Variants in NUP188 observed in about 807,000 individuals in gnomAD.
NUP188 encodes the protein nucleoporin NUP188.
Under a neutral mutation model 223.0 loss-of-function variants are expected in NUP188, and 97 were observed. That is an observed-to-expected ratio of 0.43 (90% confidence interval 0.37 to 0.51). NUP188 has a LOEUF of 0.51. NUP188 is among the 20% of genes least tolerant of loss of function. NUP188 has a pLI of 0.00. For synonymous variants in NUP188, 869 were observed against 828.0 expected, an observed-to-expected ratio of 1.05 and a Z score of -0.85; for missense variants, 1,947 against 2,175.6, an observed-to-expected ratio of 0.89 and a Z score of 2.09.
rs1842466078 is a variant in NUP188, at chr9:128,993,522, C to T, written c.2848-3C>T. The T allele has an allele frequency of 1.9e-6, 3 of 1,614,008 alleles. No homozygotes were observed. The highest frequency in any genetic ancestry group is 2.5e-6 in the Non-Finnish European group (3 of 1,180,004). The stretch of plus-strand genomic sequence containing the variant: ...CTGAACTCTTACCTGTCCCTTCTTG[C>T]AGGAATTCAGCCTTGGGATGTGGAG... On this transcript the variant is annotated splice_polypyrimidine_tract_variant and splice_region_variant and intron_variant, in intron 26 of 43. Coordinates refer to ENST00000372577, the MANE Select transcript of NUP188 (RefSeq NM_015354.3).
intron 22 of NUP188, 47 bp from the exon 23 acceptor site, chr9:128,987,542 A>G: frequency 1.3e-6 from 2 of 1,582,912 alleles, no homozygotes; most frequent in Non-Finnish European, 8.6e-7. Flanking sequence ...TCCTTCCAAG[A>G]TACACTGAGT....
chr9:128,977,540 TG>T (rs1842193461), intron 12 of NUP188, among the ~76,000 whole-genome samples: 1 of 152,128 alleles, frequency 6.6e-6, no homozygotes, highest in South Asian at 2.1e-4. Flanking sequence ...CCAGGCACAG[TG>T]GCTCATGTCT....
intron 36 of NUP188, 132 bp downstream of exon 36, chr9:129,002,108 T>C: frequency 1.4e-6 from 1 of 709,888 alleles, no homozygotes; most frequent in Non-Finnish European, 2.4e-6. Context: ...TGAGGAATCT[T>C]CCCTGCCCCC....
rs1842769541 is a variant in NUP188 at position 129,005,411 on chromosome 9, G to C, written c.4618G>C (p.Glu1540Gln). 1 of 1,611,216 alleles carries C rather than the reference G, an allele frequency of 6.2e-7. No homozygotes were observed. Among genetic ancestry groups the C allele is most frequent in the Middle Eastern group, 1.6e-4 (1 of 6,062 alleles). ...SSSKQPAADT[E>Q]ASEQQALHTV... The stretch of plus-strand genomic sequence containing the variant: ...CTCAAAGCAGCCCGCTGCTGACACA[G>C]AGGCATCAGAGCAGCAGGCCTTGCA... Residue 1540 changes from glutamate to glutamine, a missense_variant, in exon 40 of 44, where the codon GAG becomes CAG. Glu to Gln is a conservative substitution (Grantham distance 29, BLOSUM62 2). Coordinates refer to ENST00000372577, the MANE Select transcript of NUP188 (RefSeq NM_015354.3).
At chr9:129,001,017 A>G (rs1842649934) in intron 34 of NUP188, among the ~76,000 whole-genome samples, 1 of 152,088 alleles carries the variant, frequency 6.6e-6, no homozygotes, top group Admixed American at 6.6e-5. Flanking sequence ...AGCCTGGGGG[A>G]CAGAGCGAGG....
At chr9:128,981,454 C>T (rs1021006714) in intron 15 of NUP188, 64 bp downstream of exon 15, 14 of 1,521,850 alleles carry the variant, frequency 9.2e-6, no homozygotes, top group Non-Finnish European at 1.2e-5. Context: ...GCTCTGTCAC[C>T]CAAGCTGGAG....
rs769183790 is a variant in NUP188, at chr9:128,969,438, T to C, written c.836T>C (p.Ile279Thr). ...SALILVEGMD[I>T]ESLHKCALDD... ...CTCATCCTGGTGGAGGGCATGGATATCGAGTCCTTGCATAAGTGTGCTTTG... is the reference window on the plus strand; with the variant it reads ...CTCATCCTGGTGGAGGGCATGGATACCGAGTCCTTGCATAAGTGTGCTTTG... The change falls in exon 10 of 44, where the codon ATC (isoleucine) becomes ACC (threonine). Residue 279 changes from isoleucine to threonine, a missense_variant. Transcript: ENST00000372577. 4 of 1,611,208 alleles carry C rather than the reference T, an allele frequency of 2.5e-6. No individual in the cohort carries two copies. The highest frequency in any genetic ancestry group is 3.4e-6 in the Non-Finnish European group (4 of 1,179,030).
chr9:128,975,103 C>T (rs1842157373), intron 12 of NUP188, among the ~76,000 whole-genome samples: 1 of 151,970 alleles, frequency 6.6e-6, no homozygotes, highest in African/African-American at 2.4e-5. Context: ...TGGCCTGTAA[C>T]AGCTTTCTAA....
chr9:128,963,436 T>C (rs1841982651), intron 8 of NUP188, among the ~76,000 whole-genome samples: 1 of 150,998 alleles, frequency 6.6e-6, no homozygotes, highest in South Asian at 2.1e-4. Flanking sequence ...CAGGCATGCA[T>C]CACCACACCT....
chr9:129,001,425 T>A, intron 34 of NUP188, 104 bp from the exon 35 acceptor site: 1 of 942,376 alleles, frequency 1.1e-6, no homozygotes. Context: ...CTTAGCAATG[T>A]GTGTAACCAA....
At chr9:128,961,165 T>C (rs1280939123) in intron 8 of NUP188, among the ~76,000 whole-genome samples, 1 of 129,264 alleles carries the variant, frequency 7.7e-6, no homozygotes, top group Non-Finnish European at 1.6e-5. Flanking sequence ...AGTAAAAAAA[T>C]ATACAAAAAA....
chr9:129,003,483 CTG>C (rs776686011), intron 38 of NUP188, 29 bp downstream of exon 38: 2 of 1,603,834 alleles, frequency 1.2e-6, no homozygotes, highest in South Asian at 2.2e-5. Context: ...GTCTTGGAGT[CTG>C]GGGTAATGCT....
chr9:128,998,526 G>C lies in NUP188; in HGVS notation c.3430-12G>C. 6.2e-7 allele frequency: 1 copy of C among 1,612,372 alleles called. No homozygotes were observed. Among genetic ancestry groups the C allele is most frequent in the African/African-American group, 1.3e-5 (1 of 75,020 alleles). On this transcript the variant is annotated splice_polypyrimidine_tract_variant and intron_variant, in intron 31 of 43. Coordinates refer to ENST00000372577, the MANE Select transcript of NUP188 (RefSeq NM_015354.3). The stretch of plus-strand genomic sequence containing the variant: ...TCCACTGACTTCTGACTGGTGTGCT[G>C]TCTCCTTTCAGCTCCTAGTTCCAGC...
At chr9:128,981,455 C>T in intron 15 of NUP188, 65 bp downstream of exon 15, 4 of 1,509,620 alleles carry the variant, frequency 2.6e-6, no homozygotes, top group Non-Finnish European at 3.6e-6. Context: ...CTCTGTCACC[C>T]AAGCTGGAGT....
At chr9:128,995,587 C>G (rs540361087) in intron 30 of NUP188, 73 bp downstream of exon 30, 1 of 1,266,196 alleles carries the variant, frequency 7.9e-7, no homozygotes, top group African/African-American at 1.5e-5. Context: ...CTAGCAGATA[C>G]AGCTCCTTGT....
intron 2 of NUP188, among the ~76,000 whole-genome samples, chr9:128,949,909 G>A (rs1398751358): frequency 6.8e-6 from 1 of 147,784 alleles, no homozygotes; most frequent in Non-Finnish European, 1.5e-5. Flanking sequence ...GATAACAGGC[G>A]TGACGGCCAC....
chr9:128,995,031 G>A (rs1409005456), intron 29 of NUP188, 108 bp downstream of exon 29: 1 of 831,068 alleles, frequency 1.2e-6, no homozygotes, highest in African/African-American at 1.7e-5. Context: ...GAGAGAACTG[G>A]TTTGGAACCA....
At chr9:129,006,019 GTC>G in intron 41 of NUP188, 29 bp from the exon 42 acceptor site, 2 of 1,612,712 alleles carry the variant, frequency 1.2e-6, no homozygotes, top group African/African-American at 2.7e-5. Context: ...TGTTCCTGTT[GTC>G]TTAGTTTTTT....
chr9:128,968,578 C>T lies in NUP188; in HGVS notation c.658C>T (p.Leu220Phe). 1 of 1,614,112 alleles carries T rather than the reference C, an allele frequency of 6.2e-7. No individual in the cohort carries two copies. Among genetic ancestry groups the T allele is most frequent in the Middle Eastern group, 1.6e-4 (1 of 6,062 alleles). ...GTCCATGCTGCTAGAAATTATTTTC[C>T]TTTATTATGCATACTTTGAGATGGC... ...EQSMLLEIIF[L>F]YYAYFEMAPS... Residue 220 changes from leucine (L) to phenylalanine (F), a missense_variant, in exon 9 of 44, where the codon CTT becomes TTT. Leu to Phe is a conservative substitution (Grantham distance 22, BLOSUM62 0). This residue lies in a region of NUP188 where 817 missense variants were observed against 865.8 expected (regional missense o/e 0.94). Transcript: ENST00000372577.
Sources: allele counts gnomAD v4.1 joint callset (sites outside exome capture counted in the v4.1 genomes callset), GRCh38; gene constraint gnomAD v4.1.1; regional missense constraint gnomAD v4.1.1; transcripts MANE v1.5; gene names NCBI Gene and HGNC (gene_info 2026-07-23, HGNC 2026-07-21).